Variants in LRFN2 observed in about 807,000 individuals in gnomAD.
The protein encoded by LRFN2 is leucine rich repeat and fibronectin type III domain containing 2.
Under a neutral mutation model 37.3 loss-of-function variants are expected in LRFN2, and 18 were observed. The observed-to-expected ratio is 0.48, with a 90% CI of 0.33 to 0.72. The LOEUF is 0.72. Among genes scored for constraint, LRFN2 ranks in the 30% least tolerant of loss-of-function variants. LRFN2 has a pLI of 0.02. For synonymous variants in LRFN2, 556 were observed against 466.6 expected, an observed-to-expected ratio of 1.19 and a Z score of -2.47; for missense variants, 1,006 against 1,060.7, an observed-to-expected ratio of 0.95 and a Z score of 0.72.
intron 1 of LRFN2, among the ~76,000 whole-genome samples, chr6:40,483,870 T>C (rs1267995911): frequency 6.6e-6 from 1 of 152,102 alleles, no homozygotes; most frequent in Non-Finnish European, 1.5e-5. Flanking sequence ...GCATCCTTGG[T>C]TCCAAGTTCA....
chr6:40,449,942 T>C (rs1186488687), intron 1 of LRFN2, among the ~76,000 whole-genome samples: 2 of 152,158 alleles, frequency 1.3e-5, no homozygotes, highest in Non-Finnish European at 2.9e-5. Flanking sequence ...TTTTTATCAC[T>C]CACAATGAAA....
At chr6:40,498,595 A>G (rs1417884931) in intron 1 of LRFN2, among the ~76,000 whole-genome samples, 1 of 152,092 alleles carries the variant, frequency 6.6e-6, no homozygotes, top group Non-Finnish European at 1.5e-5. Flanking sequence ...ATCCAAGGAC[A>G]CTCGTTCTCA....
chr6:40,452,485 T>A (rs912527931), intron 1 of LRFN2, among the ~76,000 whole-genome samples: 1 of 152,212 alleles, frequency 6.6e-6, no homozygotes, highest in Non-Finnish European at 1.5e-5. Flanking sequence ...TCCTGAGCAC[T>A]GCTGGATTAT....
At chr6:40,563,897 G>C (rs1767043500) in intron 1 of LRFN2, among the ~76,000 whole-genome samples, 3 of 152,126 alleles carry the variant, frequency 2.0e-5, no homozygotes, top group Admixed American at 2.0e-4. Flanking sequence ...CAGACCTTGT[G>C]TGCCCACAAG....
chr6:40,416,247 G>A (rs1448056233), intron 2 of LRFN2, among the ~76,000 whole-genome samples: 1 of 152,214 alleles, frequency 6.6e-6, no homozygotes, highest in Middle Eastern at 3.2e-3. Context: ...GACTTCAAGT[G>A]ATCTGCCCGC....
chr6:40,428,199 G>A (rs760723095), intron 2 of LRFN2, among the ~76,000 whole-genome samples: 4 of 152,234 alleles, frequency 2.6e-5, no homozygotes, highest in Non-Finnish European at 5.9e-5. Context: ...TGCTGCTGCT[G>A]CTTTTCTCCT....
Position 40,392,161 on chromosome 6 carries a change from C to A in LRFN2, c.2152G>T (p.Ala718Ser). ...ATGTCGAAGGAGTGGCTGCGTTTGGCCTTGCCCTCCAACGGCAAGGGGAGC... is the reference window on the plus strand; with the variant it reads ...ATGTCGAAGGAGTGGCTGCGTTTGGACTTGCCCTCCAACGGCAAGGGGAGC... ...SLLPLPLEGK[A>S]KRSHSFDMGD... Residue 718 changes from alanine to serine, a missense_variant, in exon 3 of 3, where the codon GCC becomes TCC. By Grantham distance (99) the Ala-to-Ser change is moderately conservative. Transcript: ENST00000338305. This position sits in a 1 kb window ranked among gnomAD's most constrained non-coding sequence, Gnocchi z 4.7. 1 of 1,603,604 alleles carries A rather than the reference C, an allele frequency of 6.2e-7. No homozygotes were observed. Among genetic ancestry groups the A allele is most frequent in the Non-Finnish European group, 8.5e-7 (1 of 1,174,540 alleles).
chr6:40,489,845 C>G (rs975792183), intron 1 of LRFN2, among the ~76,000 whole-genome samples: 38 of 152,306 alleles, frequency 2.5e-4, no homozygotes, highest in African/African-American at 8.9e-4. Flanking sequence ...TACTCATTCC[C>G]TCCTGTGACT....
intron 1 of LRFN2, among the ~76,000 whole-genome samples, chr6:40,530,088 G>C (rs187018596): frequency 1.9e-4 from 29 of 152,292 alleles, no homozygotes; most frequent in Non-Finnish European, 3.5e-4. Flanking sequence ...AGAGAGAGTC[G>C]TCGCAGAAGG....
chr6:40,554,772 C>A (rs532028034), intron 1 of LRFN2, among the ~76,000 whole-genome samples: 5 of 152,214 alleles, frequency 3.3e-5, no homozygotes, highest in Non-Finnish European at 7.4e-5. Context: ...TCTGAAAAAT[C>A]GCTCTTGTCC....
chr6:40,566,934 T>C (rs533423818), intron 1 of LRFN2, among the ~76,000 whole-genome samples: 87 of 152,224 alleles, frequency 5.7e-4, no homozygotes, highest in Non-Finnish European at 1.2e-3. Flanking sequence ...AGCCAAAACT[T>C]GGTATGATGA....
intron 2 of LRFN2, among the ~76,000 whole-genome samples, chr6:40,398,355 A>G (rs1762658534): frequency 6.6e-6 from 1 of 151,830 alleles, no homozygotes; most frequent in Non-Finnish European, 1.5e-5. Flanking sequence ...GGGCAACCTT[A>G]CAGGGTGGGC....
intron 1 of LRFN2, among the ~76,000 whole-genome samples, chr6:40,534,631 T>C (rs549510764): frequency 1.4e-4 from 22 of 152,184 alleles, no homozygotes; most frequent in Non-Finnish European, 2.1e-4. Context: ...GAGACTTGGC[T>C]GAGAAAATAC....
chr6:40,391,891 C>T lies in LRFN2; in HGVS notation c.*52G>A, dbSNP rs1762509873. On this transcript the variant is annotated 3_prime_UTR_variant, in exon 3 of 3. Coordinates refer to ENST00000338305, the MANE Select transcript of LRFN2 (RefSeq NM_020737.3). ...TCCACAAACACTTGCCAGTGAGATT[C>T]TTTCCCCTTCTCCCACCCTGCGCAC... 2 of 1,470,820 alleles carry T rather than the reference C, an allele frequency of 1.4e-6. No homozygotes were observed. Among genetic ancestry groups the T allele is most frequent in the African/African-American group, 1.4e-5 (1 of 69,050 alleles). The allele number at this position is 1,470,820 out of a possible 1,614,324, so 91.1% of individuals were successfully genotyped here.
intron 1 of LRFN2, among the ~76,000 whole-genome samples, chr6:40,583,211 C>CATATAT (rs1193591972): frequency 6.9e-6 from 1 of 144,654 alleles, no homozygotes; most frequent in African/African-American, 2.7e-5. Context: ...CATATATATA[C>CATATAT]ACTATATACA....
At position 40,392,597 on chromosome 6, in the gene LRFN2, C is replaced by T; in HGVS notation, c.1716G>A (p.Val572=). ...CGTTGGTCTGCGAGTACACATTGCTCACGGCCGCTGCCATCTTGCTGGGGG... is the reference window on the plus strand; with the variant it reads ...CGTTGGTCTGCGAGTACACATTGCTTACGGCCGCTGCCATCTTGCTGGGGG... ...HEAPSKMAAA[V]SNVYSQTNGA... is the part of the protein sequence containing the mutation. Residue 572 remains valine (V), a synonymous_variant, in exon 3 of 3, where the codon GTG becomes GTA. Transcript: ENST00000338305. The surrounding 1 kb of genome is among the most constrained non-coding windows in gnomAD (Gnocchi z 4.7). The T allele has an allele frequency of 1.9e-6, 3 of 1,608,902 alleles. No individual in the cohort carries two copies. Among genetic ancestry groups the T allele is most frequent in the Non-Finnish European group, 2.5e-6 (3 of 1,179,890 alleles).
Position 40,393,996 on chromosome 6 carries a change from G to A in LRFN2, c.1401-1084C>T, listed in dbSNP as rs117949184. 6.4e-4 allele frequency among the ~76,000 whole-genome samples: 98 copies of A among 152,286 alleles called. No individual in the cohort carries two copies. The East Asian group carries it at 0.013, about 21-fold the overall frequency. ...GTGTTAAGGACTGGGGGGCACTTCTGCATCCCAGAGGAAAGGGACGATTCC... is the reference window on the plus strand; with the variant it reads ...GTGTTAAGGACTGGGGGGCACTTCTACATCCCAGAGGAAAGGGACGATTCC... On this transcript the variant is annotated intron_variant, in intron 2 of 2. Coordinates refer to ENST00000338305, the MANE Select transcript of LRFN2 (RefSeq NM_020737.3).
chr6:40,493,740 G>A (rs1046206465), intron 1 of LRFN2, among the ~76,000 whole-genome samples: 1 of 152,206 alleles, frequency 6.6e-6, no homozygotes, highest in Non-Finnish European at 1.5e-5. Flanking sequence ...CAGTCCATTT[G>A]CCTGGATGCT....
At chr6:40,483,527 G>A (rs1040044223) in intron 1 of LRFN2, among the ~76,000 whole-genome samples, 5 of 152,206 alleles carry the variant, frequency 3.3e-5, no homozygotes, top group Admixed American at 6.5e-5. Flanking sequence ...CAATGGCAAC[G>A]GATCCATTTA....
Sources: gnomAD v4.1 joint callset for allele counts (sites outside exome capture counted in the v4.1 genomes callset) on GRCh38, gnomAD v4.1.1 for gene constraint, Gnocchi (gnomAD v3.1) non-coding constraint, MANE v1.5 for transcripts, NCBI Gene and HGNC (gene_info 2026-07-23, HGNC 2026-07-21) for gene names.